Variants in DGLUCY observed in about 807,000 individuals in gnomAD.
The protein encoded by DGLUCY is D-glutamate cyclase, also known as D-glutamate cyclase, mitochondrial.
In DGLUCY, 58 loss-of-function variants were observed where a neutral mutation model predicts 58.5. That is an observed-to-expected ratio of 0.99 (90% CI 0.80 to 1.23). The LOEUF (loss-of-function observed/expected upper bound fraction) is 1.23. DGLUCY is among the 50% of genes most tolerant of loss of function. DGLUCY has a pLI of 0.00. For synonymous variants in DGLUCY, 325 were observed against 314.1 expected (o/e 1.03, Z -0.37); for missense variants, 779 against 784.7 (o/e 0.99, Z 0.09).
chr14:91,113,785 C>T (rs1456445141), upstream of DGLUCY, among the ~76,000 whole-genome samples: 1 of 152,208 alleles, frequency 6.6e-6, no homozygotes, highest in Non-Finnish European at 1.5e-5. Context: ...GCACAGATGG[C>T]GATTCACCAG....
At chr14:91,197,141 A>G (rs1353068168) in intron 10 of DGLUCY, among the ~76,000 whole-genome samples, 1 of 151,902 alleles carries the variant, frequency 6.6e-6, no homozygotes, top group African/African-American at 2.4e-5. Context: ...TAATTTTTCT[A>G]TTTTTAGTAG....
intron 8 of DGLUCY, among the ~76,000 whole-genome samples, chr14:91,185,271 ATTTTTT>A (rs35639010): frequency 1.8e-4 from 7 of 38,378 alleles, no homozygotes; most frequent in South Asian, 1.5e-3. Flanking sequence ...GCCCAGCCGG[ATTTTTT>A]TTTTTTTTTT....
chr14:91,123,821 G>A (rs1015477141), intron 1 of DGLUCY, among the ~76,000 whole-genome samples: 1 of 151,946 alleles, frequency 6.6e-6, no homozygotes, highest in African/African-American at 2.4e-5. Flanking sequence ...CAAACAGTTC[G>A]CCTGCCTTGG....
chr14:91,199,952 G>A (rs201367275), intron 11 of DGLUCY, 47 bp downstream of exon 11: 1 of 1,609,026 alleles, frequency 6.2e-7, no homozygotes, highest in Non-Finnish European at 8.5e-7. Flanking sequence ...GCCCCATGAA[G>A]TGTCTTTTGT....
chr14:91,149,273 A>G (rs2047182842), intron 1 of DGLUCY, among the ~76,000 whole-genome samples: 1 of 151,848 alleles, frequency 6.6e-6, no homozygotes, highest in Non-Finnish European at 1.5e-5. Flanking sequence ...AAAAGAAAAG[A>G]AAAGAAAGAA....
At position 91,170,062 on chromosome 14, in the gene DGLUCY, C is replaced by A; in HGVS notation, c.317C>A (p.Ser106Ter). The A allele has an allele frequency of 6.2e-7, 1 of 1,612,450 alleles. No individual in the cohort carries two copies. The highest frequency in any genetic ancestry group is 8.5e-7 in the Non-Finnish European group (1 of 1,180,032). The change falls in exon 5 of 14, where the codon TCG becomes TAG. Residue 106 changes from serine to a stop codon, truncating the protein, a stop_gained. Transcript: ENST00000256324. LOFTEE classifies it high-confidence loss of function. ...GGTGCCTGCACCGGCAGCCTGGCTT[C>A]GCTGGAGCAGTACTCGGAGCAGCTG... ...EFGACTGSLA[S>*]LEQYSEQLKD...
chr14:91,061,867 G>A (rs2043697529), intron 1 of DGLUCY, among the ~76,000 whole-genome samples: 1 of 152,186 alleles, frequency 6.6e-6, no homozygotes, highest in East Asian at 1.9e-4. Flanking sequence ...AGCAGGGCAG[G>A]AATCCTGCTG....
At chr14:91,206,696 T>C (rs2140652004) in intron 12 of DGLUCY, among the ~76,000 whole-genome samples, 1 of 152,230 alleles carries the variant, frequency 6.6e-6, no homozygotes, top group South Asian at 2.1e-4. Context: ...CTGCAGTTCC[T>C]TTTACCAAGT....
chr14:91,162,010 T>C (rs1422797542), intron 3 of DGLUCY, among the ~76,000 whole-genome samples: 3 of 152,066 alleles, frequency 2.0e-5, no homozygotes, highest in African/African-American at 7.2e-5. Context: ...AGCCAGGGTC[T>C]TGGAGCCTGG....
intron 1 of DGLUCY, among the ~76,000 whole-genome samples, chr14:91,136,908 G>A (rs558005043): frequency 2.6e-5 from 4 of 152,188 alleles, no homozygotes; most frequent in South Asian, 2.1e-4. Context: ...GGTGGAGGTT[G>A]CGGTGAGCCG....
At chr14:91,191,213 T>C (rs1195022033) in intron 9 of DGLUCY, among the ~76,000 whole-genome samples, 3 of 152,176 alleles carry the variant, frequency 2.0e-5, no homozygotes, top group Non-Finnish European at 4.4e-5. Context: ...CCAGTCATAT[T>C]GTATGACTCC....
Position 91,068,989 on chromosome 14 carries a change from G to A in DGLUCY, c.-82+8285G>A, listed in dbSNP as rs531639184. 9.0e-4 allele frequency among the ~76,000 whole-genome samples: 137 copies of A among 152,366 alleles called. 1 individual carries two copies. Among genetic ancestry groups the A allele is most frequent in the African/African-American group, 3.1e-3 (127 of 41,592 alleles). ...GGGGTGTTTCCCAAAGGGGAAAGGA[G>A]ACTTGTGTTATTAGGGAAGAGTGAA... On this transcript the variant is annotated intron_variant, in intron 1 of 4. Coordinates refer to the DGLUCY transcript ENST00000521334.
chr14:91,111,274 C>CTA (rs1245318145), upstream of DGLUCY, among the ~76,000 whole-genome samples: 7 of 116,882 alleles, frequency 6.0e-5, no homozygotes, highest in East Asian at 5.3e-4. Context: ...CTATATCTAT[C>CTA]TATATATATA....
chr14:91,224,541 A>C, intron 13 of DGLUCY, 143 bp from the exon 14 acceptor site: 229 of 701,188 alleles, frequency 3.3e-4, no homozygotes, highest in Non-Finnish European at 4.3e-4. Context: ...TTCCAATGGT[A>C]TTAGTACTTT....
intron 1 of DGLUCY, among the ~76,000 whole-genome samples, chr14:91,069,816 T>G (rs946897062): frequency 8.1e-5 from 12 of 148,872 alleles, no homozygotes; most frequent in Non-Finnish European, 1.8e-4. Flanking sequence ...TTTTTTTTTT[T>G]GTCACCCAGG....
At chr14:91,118,082 C>A (rs1183749883) in intron 1 of DGLUCY, among the ~76,000 whole-genome samples, 1 of 105,236 alleles carries the variant, frequency 9.5e-6, no homozygotes, top group East Asian at 3.1e-4. Context: ...CCCGCCCCCC[C>A]CCCCCCTTTT....
intron 13 of DGLUCY, chr14:91,223,671 A>C: frequency 1.6e-6 from 2 of 1,282,288 alleles, no homozygotes; most frequent in Non-Finnish European, 2.0e-6. Context: ...TTTTTTTTTA[A>C]CCAGCAGGAG....
chr14:91,196,319 A>G (rs2295526), intron 9 of DGLUCY, 56 bp from the exon 10 acceptor site: 130,309 of 1,473,376 alleles, frequency 0.088, 6,477 homozygotes, highest in South Asian at 0.16. Flanking sequence ...GCCAACGTGA[A>G]TTTCCAAAAG....
intron 1 of DGLUCY, among the ~76,000 whole-genome samples, chr14:91,135,667 A>AAC (rs1381242254): frequency 2.0e-5 from 3 of 150,824 alleles, no homozygotes; most frequent in Non-Finnish European, 4.4e-5. Context: ...AAAAAAAAAA[A>AAC]AAAAAAACAA....
Sources: allele counts gnomAD v4.1 joint callset (sites outside exome capture counted in the v4.1 genomes callset), GRCh38; gene constraint gnomAD v4.1.1; transcripts MANE v1.5; gene names NCBI Gene and HGNC (gene_info 2026-07-23, HGNC 2026-07-21).